Variants in CTNNA3 observed in about 807,000 individuals in gnomAD.
CTNNA3 encodes the protein catenin alpha-3.
CTNNA3 carries 76 observed loss-of-function variants against 95.7 expected under a neutral mutation model. That is an observed-to-expected ratio of 0.79 (90% confidence interval 0.66 to 0.96). The LOEUF (loss-of-function observed/expected upper bound fraction) is 0.96. Among genes scored for constraint, CTNNA3 ranks in the 40% least tolerant of loss-of-function variants. CTNNA3 has a pLI of 0.00. For synonymous variants in CTNNA3, 431 were observed against 374.4 expected (o/e 1.15, Z -1.74); for missense variants, 1,191 against 1,089.8 (o/e 1.09, Z -1.31).
At chr10:66,431,664 G>A (rs571724071) in intron 11 of CTNNA3, among the ~76,000 whole-genome samples, 17 of 148,596 alleles carry the variant, frequency 1.1e-4, no homozygotes, top group South Asian at 8.5e-4. Context: ...ACCAAACACC[G>A]CATTTTCTCA....
At chr10:67,086,727 C>A (rs775702441) in intron 7 of CTNNA3, among the ~76,000 whole-genome samples, 1 of 151,878 alleles carries the variant, frequency 6.6e-6, no homozygotes, top group Admixed American at 6.6e-5. Flanking sequence ...CTCTGTGAGA[C>A]CAAAATACCC....
intron 3 of CTNNA3, among the ~76,000 whole-genome samples, chr10:67,550,584 CT>C (rs981229844): frequency 8.0e-5 from 12 of 150,106 alleles, no homozygotes; most frequent in African/African-American, 2.5e-4. Context: ...TAAAGAAATT[CT>C]TTTTTTAAAG....
At chr10:67,268,359 A>AAATT (rs759024425) in intron 5 of CTNNA3, among the ~76,000 whole-genome samples, 6,669 of 142,796 alleles carry the variant, frequency 0.047, 486 homozygotes, top group African/African-American at 0.17. Context: ...TAAATTAAAT[A>AAATT]AATAAATAAA....
Position 66,317,198 on chromosome 10 carries a change from C to T in CTNNA3, c.1733-36577G>A, listed in dbSNP as rs374478207. On this transcript the variant is annotated intron_variant, in intron 12 of 17. Transcript: ENST00000433211. Reference sequence around the variant, plus strand: ...AATGCAAGTTTAATACATTAAAATACAGAGAAAATGGTGATGTTTCTAAGA... The same window carrying T: ...AATGCAAGTTTAATACATTAAAATATAGAGAAAATGGTGATGTTTCTAAGA... Among the ~76,000 whole-genome samples the T allele has an allele frequency of 1.2e-4, 18 of 152,092 alleles. No individual in the cohort carries two copies. In the East Asian group the frequency reaches 2.5e-3, roughly 21 times the overall value.
rs373580750 is a variant in CTNNA3, at chr10:66,118,504, T to G, written c.1885-15255A>C. The stretch of plus-strand genomic sequence containing the variant: ...TGACCGAAATAAGTCCCAGGCACTC[T>G]TTAGCTATGCTCTGTCCTCTCTTTT... On this transcript the variant is annotated intron_variant, in intron 13 of 17. Coordinates refer to ENST00000433211, the MANE Select transcript of CTNNA3 (RefSeq NM_013266.4). 2.4e-4 allele frequency among the ~76,000 whole-genome samples: 37 copies of G among 152,320 alleles called. 1 individual carries two copies. In the South Asian group the frequency reaches 7.7e-3, roughly 32 times the overall value.
intron 7 of CTNNA3, among the ~76,000 whole-genome samples, chr10:67,056,517 A>T (rs943233700): frequency 6.6e-5 from 10 of 152,182 alleles, no homozygotes; most frequent in African/African-American, 2.4e-4. Flanking sequence ...CCTGATCTGT[A>T]TCTGTAAACA....
intron 1 of CTNNA3, among the ~76,000 whole-genome samples, chr10:67,674,355 C>G (rs1840497250): frequency 6.6e-6 from 1 of 152,040 alleles, no homozygotes; most frequent in East Asian, 1.9e-4. Flanking sequence ...AGAAACCAAA[C>G]CTGCCAACAC....
At chr10:66,817,700 T>C (rs1380222085) in intron 7 of CTNNA3, among the ~76,000 whole-genome samples, 1 of 152,006 alleles carries the variant, frequency 6.6e-6, no homozygotes, top group Non-Finnish European at 1.5e-5. Context: ...ATAAATTTAC[T>C]GCTCAATTCT....
intron 7 of CTNNA3, among the ~76,000 whole-genome samples, chr10:67,055,267 C>T (rs1191883909): frequency 6.6e-6 from 1 of 152,118 alleles, no homozygotes; most frequent in Admixed American, 6.6e-5. Flanking sequence ...ACCATTAGTA[C>T]AAGTATTAAA....
At chr10:66,624,761 T>C (rs1159170441) in intron 9 of CTNNA3, among the ~76,000 whole-genome samples, 3 of 152,218 alleles carry the variant, frequency 2.0e-5, no homozygotes, top group Middle Eastern at 6.8e-3. Context: ...ATTGTATAAA[T>C]AAGAAAACAA....
chr10:67,189,146 A>AC (rs1554941562), intron 6 of CTNNA3, among the ~76,000 whole-genome samples: 9,215 of 151,096 alleles, frequency 0.061, 376 homozygotes, highest in African/African-American at 0.11. Flanking sequence ...CAACAACAAA[A>AC]AAAAAAACAG....
chr10:66,708,182 G>T (rs1848178786), intron 9 of CTNNA3, among the ~76,000 whole-genome samples: 1 of 151,050 alleles, frequency 6.6e-6, no homozygotes, highest in South Asian at 2.1e-4. Context: ...ACAAGGTCTA[G>T]ATGTGACTAT....
intron 7 of CTNNA3, among the ~76,000 whole-genome samples, chr10:66,792,515 T>C (rs764826279): frequency 6.6e-6 from 1 of 152,126 alleles, no homozygotes; most frequent in East Asian, 1.9e-4. Context: ...AGACCACAGT[T>C]TGAGTAGCAA....
At chr10:67,080,016 T>TTTTAGAAATATTCTAGGCTAGGAC (rs1856969463) in intron 7 of CTNNA3, among the ~76,000 whole-genome samples, 1 of 152,114 alleles carries the variant, frequency 6.6e-6, no homozygotes. Context: ...TTGGTTTTGT[T>TTTTAGAAATATTCTAGGCTAGGAC]TTGTTTTCTC....
chr10:66,446,629 T>A (rs35353131), intron 11 of CTNNA3, among the ~76,000 whole-genome samples: 57,742 of 151,546 alleles, frequency 0.38, 11,526 homozygotes, highest in African/African-American at 0.5. Flanking sequence ...CAAAAACCCT[T>A]CATGCTAAAA....
chr10:66,389,810 C>T (rs896563085), intron 11 of CTNNA3, among the ~76,000 whole-genome samples: 3 of 151,700 alleles, frequency 2.0e-5, no homozygotes, highest in African/African-American at 4.8e-5. Flanking sequence ...ATAATCATAG[C>T]TCATTGCAAC....
At chr10:66,640,738 T>A (rs1450092978) in intron 9 of CTNNA3, among the ~76,000 whole-genome samples, 4 of 152,142 alleles carry the variant, frequency 2.6e-5, no homozygotes, top group Non-Finnish European at 5.9e-5. Context: ...GGAAGAATTT[T>A]TCCCCCCACC....
chr10:67,058,996 C>G (rs1725075343), intron 7 of CTNNA3, among the ~76,000 whole-genome samples: 1 of 152,148 alleles, frequency 6.6e-6, no homozygotes, highest in African/African-American at 2.4e-5. Context: ...GTTTTCCCTC[C>G]TTTAGTCTTT....
chr10:65,981,910 G>C (rs2078327626), intron 16 of CTNNA3, among the ~76,000 whole-genome samples: 1 of 151,826 alleles, frequency 6.6e-6, no homozygotes, highest in African/African-American at 2.4e-5. Flanking sequence ...GATAATATCT[G>C]AAAAACCCTT....
Sources: gnomAD v4.1 joint callset for allele counts (sites outside exome capture counted in the v4.1 genomes callset) on GRCh38, gnomAD v4.1.1 for gene constraint, MANE v1.5 for transcripts, NCBI Gene and HGNC (gene_info 2026-07-23, HGNC 2026-07-21) for gene names.